Variants in UBE2N observed in about 807,000 individuals in gnomAD.
UBE2N encodes the protein ubiquitin-conjugating enzyme E2 N.
For missense variants in UBE2N, 60 were observed against 192.1 expected, an observed-to-expected ratio of 0.31 and a Z score of 4.07; for synonymous variants, 70 against 69.2, an observed-to-expected ratio of 1.01 and a Z score of -0.06.
chr12:93,434,150 G>C (rs1261904252), intron 1 of UBE2N, among the ~76,000 whole-genome samples: 1 of 152,216 alleles, frequency 6.6e-6, no homozygotes, highest in East Asian at 1.9e-4. Flanking sequence ...AAATTAGCTG[G>C]GTGTGGTGGC....
chr12:93,435,792 A>C (rs1878917121), intron 1 of UBE2N, among the ~76,000 whole-genome samples: 1 of 152,254 alleles, frequency 6.6e-6, no homozygotes, highest in East Asian at 1.9e-4. Context: ...ATGTAAAATC[A>C]GACTGTATCT....
intron 1 of UBE2N, among the ~76,000 whole-genome samples, chr12:93,432,477 A>C (rs77336874): frequency 8.4e-6 from 1 of 118,896 alleles, no homozygotes; most frequent in African/African-American, 5.2e-5. Flanking sequence ...TAAGAGTCAC[A>C]AAAAAAAAAA....
intron 2 of UBE2N, 24 bp from the exon 3 acceptor site, chr12:93,410,898 T>C (rs1185433991): frequency 3.1e-6 from 5 of 1,613,996 alleles, no homozygotes; most frequent in East Asian, 2.2e-5. Flanking sequence ...AGGCCCAGTA[T>C]GATAAAGCAT....
chr12:93,426,436 G>A (rs1329956226), intron 1 of UBE2N, among the ~76,000 whole-genome samples: 1 of 147,122 alleles, frequency 6.8e-6, no homozygotes, highest in Non-Finnish European at 1.5e-5. Flanking sequence ...ATAGCCCTGA[G>A]AATAACTAAT....
intron 1 of UBE2N, among the ~76,000 whole-genome samples, chr12:93,426,139 A>AC (rs2121081499): frequency 1.3e-5 from 2 of 152,314 alleles, no homozygotes; most frequent in East Asian, 3.9e-4. Context: ...GTCCTGCACT[A>AC]CTAAGCCAGA....
intron 1 of UBE2N, among the ~76,000 whole-genome samples, chr12:93,435,284 C>A (rs969826805): frequency 4.6e-5 from 7 of 152,020 alleles, no homozygotes; most frequent in Non-Finnish European, 8.8e-5. Context: ...ACCAGCCTGA[C>A]CAACATGGTG....
chr12:93,429,420 G>A (rs947103747), intron 1 of UBE2N: 15 of 324,844 alleles, frequency 4.6e-5, no homozygotes, highest in African/African-American at 2.2e-4. Flanking sequence ...ACAGTCATGC[G>A]CTGTATGAGT....
intron 3 of UBE2N, 43 bp downstream of exon 3, chr12:93,410,691 T>C: frequency 1.2e-6 from 2 of 1,608,426 alleles, no homozygotes; most frequent in Non-Finnish European, 1.7e-6. Flanking sequence ...AATACAAATT[T>C]GTAAAAGTGG....
chr12:93,441,885 C>T lies in UBE2N; in HGVS notation c.-1G>A, dbSNP rs536621947. ...TGATCCTGCGGGGCAGCCCGGCCAT[C>T]TTGTCAGAACCCGAGTTCGGCCTCT... On this transcript the variant is annotated 5_prime_UTR_variant, in exon 1 of 4. Transcript: ENST00000318066. The T allele has an allele frequency of 3.2e-6, 5 of 1,578,744 alleles. No individual in the cohort carries two copies. Among genetic ancestry groups the T allele is most frequent in the Middle Eastern group, 1.7e-4 (1 of 5,970 alleles).
In UBE2N at chr12:93,409,671, A is replaced by AAAAAT. The variant is rs527860095; in HGVS notation, c.*363_*367dup. 3.4e-4 allele frequency: 60 copies of AAAAAT among 177,984 alleles called. No individual in the cohort carries two copies. The highest frequency in any genetic ancestry group is 2.8e-3 in the Middle Eastern group (1 of 360). 11.0% of individuals were successfully genotyped at this position (177,984 alleles called of 1,614,324 possible). On this transcript the variant is annotated 3_prime_UTR_variant, in exon 4 of 4. Transcript: ENST00000318066. ...ATAAAATTAAACTACCTCCCCCCTC[A>AAAAAT]AAAATAAAATAAAATAAAATAAAAT... is the stretch of plus-strand genomic sequence containing the variant.
At chr12:93,430,293 A>G (rs1378048752) in intron 1 of UBE2N, among the ~76,000 whole-genome samples, 1 of 152,212 alleles carries the variant, frequency 6.6e-6, no homozygotes, top group Non-Finnish European at 1.5e-5. Context: ...AGCATGCTAC[A>G]CTATCTAGGT....
At chr12:93,410,511 A>G (rs1669041264) in intron 3 of UBE2N, 2 of 625,572 alleles carry the variant, frequency 3.2e-6, no homozygotes, top group Non-Finnish European at 5.5e-6. Context: ...AACCAGGTGT[A>G]GTTACAAGAG....
chr12:93,416,311 T>C (rs2121064065), intron 1 of UBE2N, among the ~76,000 whole-genome samples: 1 of 152,340 alleles, frequency 6.6e-6, no homozygotes, highest in Non-Finnish European at 1.5e-5. Context: ...AAATAAAATC[T>C]TTCCGGCCAC....
chr12:93,419,963 A>G (rs1878355710), intron 1 of UBE2N, among the ~76,000 whole-genome samples: 1 of 152,200 alleles, frequency 6.6e-6, no homozygotes, highest in Non-Finnish European at 1.5e-5. Context: ...AACTGGGTCC[A>G]TGAGAATTTC....
intron 1 of UBE2N, 140 bp downstream of exon 1, chr12:93,441,715 C>G (rs530078613): frequency 1.7e-6 from 2 of 1,185,188 alleles, no homozygotes; most frequent in Non-Finnish European, 1.1e-6. Context: ...CTTCCCTCGC[C>G]GCCGCGGCCA....
In UBE2N at chr12:93,406,908, A is replaced by G. The variant is rs1877852718; in HGVS notation, c.*3131T>C. The G allele has an allele frequency of 2.0e-5, 3 of 152,230 alleles. No individual in the cohort carries two copies. The South Asian group carries it at 6.2e-4, about 32-fold the overall frequency. 9.4% of individuals were successfully genotyped at this position (152,230 alleles called of 1,614,324 possible). On this transcript the variant is annotated 3_prime_UTR_variant, in exon 4 of 4. Coordinates refer to ENST00000318066, the MANE Select transcript of UBE2N (RefSeq NM_003348.4). The stretch of plus-strand genomic sequence containing the variant: ...TAGACAGCCTTTGAGAGGATGAAGG[A>G]TAACTAGAGCAGAAGCAAATCGCAG...
At chr12:93,418,075 C>T (rs750880424) in intron 1 of UBE2N, among the ~76,000 whole-genome samples, 6 of 152,094 alleles carry the variant, frequency 3.9e-5, no homozygotes, top group East Asian at 1.9e-4. Context: ...GCAATCTTCC[C>T]GCCCTGGCCT....
At chr12:93,437,519 G>A (rs781385880) in intron 1 of UBE2N, among the ~76,000 whole-genome samples, 26 of 152,160 alleles carry the variant, frequency 1.7e-4, no homozygotes, top group African/African-American at 2.9e-4. Flanking sequence ...GGTTGAAGTC[G>A]GGTGCAGTGG....
chr12:93,418,010 C>CT (rs1878275917), intron 1 of UBE2N, among the ~76,000 whole-genome samples: 1 of 152,026 alleles, frequency 6.6e-6, no homozygotes, highest in Admixed American at 6.6e-5. Flanking sequence ...TTATTTATCA[C>CT]TTTTTTTGTA....
Sources: allele counts gnomAD v4.1 joint callset (sites outside exome capture counted in the v4.1 genomes callset), GRCh38; gene constraint gnomAD v4.1.1; transcripts MANE v1.5; gene names NCBI Gene and HGNC (gene_info 2026-07-23, HGNC 2026-07-21).